The following CRYBG3 variants were observed in gnomAD, a reference collection of about 807,000 sequenced individuals.
CRYBG3 encodes very large A-kinase anchor protein.
A neutral mutation model predicts 244.2 loss-of-function variants in CRYBG3; 127 were observed. The ratio of observed to expected loss-of-function variants is 0.52; its 90% CI spans 0.45 to 0.60. The LOEUF (loss-of-function observed/expected upper bound fraction) is 0.60, where lower values mean the gene tolerates loss of function less well. Ranked by LOEUF, CRYBG3 falls within the 20% of genes least tolerant of loss-of-function variation. The probability of loss-of-function intolerance (pLI) is 0.00; values close to 1 mark genes in which losing one functional copy is unlikely to be tolerated. For missense variants in CRYBG3, 3,325 were observed against 3,442.5 expected, an observed-to-expected ratio of 0.97 and a Z score of 0.85; for synonymous variants, 1,132 against 1,195.8, an observed-to-expected ratio of 0.95 and a Z score of 1.10.
rs763921356 is a variant in CRYBG3, at chr3:97,877,130, A to G, written c.5936A>G (p.Tyr1979Cys). The G allele has an allele frequency of 9.9e-6, 16 of 1,613,852 alleles. No homozygotes were observed. Among genetic ancestry groups the G allele is most frequent in the Non-Finnish European group, 3.4e-6 (4 of 1,179,860 alleles). ...TATGACAAGAGGAGAGAGACAGATT[A>G]TAGTGACAAAGGATATAATTTAGCT... is the stretch of plus-strand genomic sequence containing the variant. ...AIYDKRRETD[Y>C]SDKGYNLAFV... Residue 1979 changes from tyrosine to cysteine, a missense_variant, in exon 4 of 22, where the codon TAT (tyrosine) becomes TGT (cysteine). Tyr to Cys is a radical substitution (Grantham distance 194). Around this residue, in one of 4 missense-constraint regions of CRYBG3, gnomAD observed 450 missense variants for 424.1 expected, o/e 1.06. Transcript: ENST00000389622.
Position 97,830,464 on chromosome 3 carries a change from C to G in CRYBG3, c.149+8109C>G, listed in dbSNP as rs140954633. Among the ~76,000 whole-genome samples the G allele has an allele frequency of 4.8e-4, 73 of 152,088 alleles. No homozygotes were observed. In the East Asian group the frequency reaches 0.013, roughly 26 times the overall value. Reference sequence around the variant, plus strand: ...CACCTATTTTTGGACTTCACGTATTCCTCTTTCTTGGTTAACTCCTCCTTT... The same window carrying G: ...CACCTATTTTTGGACTTCACGTATTGCTCTTTCTTGGTTAACTCCTCCTTT... On this transcript the variant is annotated intron_variant, in intron 1 of 21. Coordinates refer to ENST00000389622, the MANE Select transcript of CRYBG3 (RefSeq NM_153605.4).
In CRYBG3 at chr3:97,877,862, C is replaced by G; in HGVS notation, c.6668C>G (p.Ser2223Cys). Reference protein sequence around the residue: ...WPEKTSFLQKSDLTSKLHSSL... With the variant: ...WPEKTSFLQKCDLTSKLHSSL... ...GAAAAGACCTCGTTTCTCCAGAAATCTGACCTTACTTCTAAACTACATTCT... is the reference window on the plus strand; with the variant it reads ...GAAAAGACCTCGTTTCTCCAGAAATGTGACCTTACTTCTAAACTACATTCT... The change falls in exon 4 of 22, where the codon TCT becomes TGT. Residue 2223 changes from serine to cysteine, a missense_variant. Physicochemically the swap from Ser to Cys is moderately radical, Grantham distance 112 (BLOSUM62 -1). Around this residue, in one of 4 missense-constraint regions of CRYBG3, gnomAD observed 450 missense variants for 424.1 expected, o/e 1.06. Coordinates refer to ENST00000389622, the MANE Select transcript of CRYBG3 (RefSeq NM_153605.4). The G allele has an allele frequency of 6.2e-7, 1 of 1,614,100 alleles. No homozygotes were observed. Among genetic ancestry groups the G allele is most frequent in the Non-Finnish European group, 8.5e-7 (1 of 1,179,998 alleles).
chr3:97,889,332 T>C (rs1346377848), intron 9 of CRYBG3, 23 bp from the exon 10 acceptor site: 21 of 1,571,942 alleles, frequency 1.3e-5, no homozygotes, highest in Non-Finnish European at 1.7e-5. Flanking sequence ...CTGTCTAATA[T>C]TAAACTATCT....
intron 1 of CRYBG3, chr3:97,836,869 T>A (rs2038741570): frequency 1.3e-5 from 2 of 152,208 alleles, no homozygotes. Flanking sequence ...TTGGCCATAG[T>A]CTTTCTCATC....
In CRYBG3 at chr3:97,864,514, G is replaced by A. The variant is rs777083206; in HGVS notation, c.514G>A (p.Glu172Lys). 2.0e-5 allele frequency: 30 copies of A among 1,535,780 alleles called. No individual in the cohort carries two copies. The South Asian group carries it at 3.6e-4, about 18-fold the overall frequency. ...HHEDGIKRER[E>K]IFSGSLRTQT... is the part of the protein sequence containing the mutation. ...TGAAGACGGGATCAAAAGGGAGAGA[G>A]AGATTTTCAGTGGCTCCCTAAGAAC... Residue 172 changes from glutamate (E) to lysine (K), a missense_variant, in exon 3 of 22, where the codon GAG (glutamate) becomes AAG (lysine). Transcript: ENST00000389622.
At chr3:97,841,703 A>G (rs568050465) in intron 1 of CRYBG3, among the ~76,000 whole-genome samples, 12 of 151,792 alleles carry the variant, frequency 7.9e-5, no homozygotes, top group Non-Finnish European at 1.6e-4. Context: ...CATCTGGCCC[A>G]CTCTCAGTCA....
chr3:97,835,766 C>T (rs533703649), intron 1 of CRYBG3, among the ~76,000 whole-genome samples: 2 of 152,174 alleles, frequency 1.3e-5, no homozygotes, highest in African/African-American at 4.8e-5. Context: ...TGTGAGGGCA[C>T]AGTCTTGGGT....
intron 8 of CRYBG3, among the ~76,000 whole-genome samples, chr3:97,887,139 T>G (rs2039517748): frequency 6.6e-6 from 1 of 152,168 alleles, no homozygotes; most frequent in Admixed American, 6.5e-5. Context: ...GCTTTTTTGT[T>G]TATGACTCCT....
intron 17 of CRYBG3, chr3:97,924,288 AATAACAAGC>A (rs938045567): frequency 2.8e-6 from 1 of 363,352 alleles, no homozygotes; most frequent in Non-Finnish European, 5.2e-6. Flanking sequence ...CAGATGGATT[AATAACAAGC>A]TAAATGTGAA....
intron 1 of CRYBG3, among the ~76,000 whole-genome samples, chr3:97,834,160 T>C (rs1193444404): frequency 6.6e-6 from 1 of 152,126 alleles, no homozygotes; most frequent in Admixed American, 6.5e-5. Context: ...ATCCAAACCA[T>C]AGCACTTGCA....
At chr3:97,922,824 A>T (rs1420305391) in intron 17 of CRYBG3, among the ~76,000 whole-genome samples, 1 of 152,154 alleles carries the variant, frequency 6.6e-6, no homozygotes, top group Non-Finnish European at 1.5e-5. Flanking sequence ...TTGACCCAGC[A>T]ATCTCATTAC....
Position 97,874,214 on chromosome 3 carries a change from C to A in CRYBG3, c.3020C>A (p.Ser1007Ter). ...GAAACTGGCAGCATGAAAGTAAATT[C>A]ACCTTTTCTGGATTCTGATTCCAGT... ...FQETGSMKVN[S>*]PFLDSDSSLE... Residue 1007 changes from serine to a stop codon, truncating the protein, a stop_gained, in exon 4 of 22, where the codon TCA (serine) becomes TAA (stop). Coordinates refer to ENST00000389622, the MANE Select transcript of CRYBG3 (RefSeq NM_153605.4). LOFTEE classifies it high-confidence loss of function. 6.5e-7 allele frequency: 1 copy of A among 1,534,148 alleles called. No individual in the cohort carries two copies. The highest frequency in any genetic ancestry group is 8.7e-7 in the Non-Finnish European group (1 of 1,146,418).
At chr3:97,825,614 G>C (rs1171402469) in intron 1 of CRYBG3, among the ~76,000 whole-genome samples, 1 of 152,192 alleles carries the variant, frequency 6.6e-6, no homozygotes, top group Non-Finnish European at 1.5e-5. Flanking sequence ...TCCTTTGCAA[G>C]ATGTTTGGTA....
At chr3:97,907,115 A>G (rs1032237775) in intron 15 of CRYBG3, among the ~76,000 whole-genome samples, 2 of 152,176 alleles carry the variant, frequency 1.3e-5, no homozygotes, top group Admixed American at 1.3e-4. Context: ...CATGGTGGAT[A>G]ATCTTTTTGA....
chr3:97,856,132 C>G (rs895366200), intron 2 of CRYBG3, among the ~76,000 whole-genome samples: 1 of 152,020 alleles, frequency 6.6e-6, no homozygotes, highest in Non-Finnish European at 1.5e-5. Context: ...CCCCCAGGCA[C>G]GTATTCTCTT....
intron 7 of CRYBG3, among the ~76,000 whole-genome samples, chr3:97,882,090 T>A (rs2039455468): frequency 6.6e-6 from 1 of 151,890 alleles, no homozygotes. Flanking sequence ...GCAGCTGTAA[T>A]CCCAGCTTCA....
chr3:97,934,339 A>G (rs2040135412), intron 18 of CRYBG3, among the ~76,000 whole-genome samples: 1 of 152,096 alleles, frequency 6.6e-6, no homozygotes, highest in African/African-American at 2.4e-5. Context: ...TTAGATATCA[A>G]TGTGAATACT....
At chr3:97,837,415 C>T (rs936074079) in intron 1 of CRYBG3, among the ~76,000 whole-genome samples, 3 of 152,038 alleles carry the variant, frequency 2.0e-5, no homozygotes, top group Non-Finnish European at 4.4e-5. Context: ...GCAAGTTTTA[C>T]AGTAGTTGGG....
chr3:97,925,830 T>C (rs1336638716), intron 17 of CRYBG3, among the ~76,000 whole-genome samples: 1 of 151,502 alleles, frequency 6.6e-6, no homozygotes, highest in Admixed American at 6.6e-5. Context: ...TGTTATTCTT[T>C]TTAAAATGTA....
Sources: allele counts gnomAD v4.1 joint callset (sites outside exome capture counted in the v4.1 genomes callset), GRCh38; gene constraint gnomAD v4.1.1; regional missense constraint gnomAD v4.1.1; transcripts MANE v1.5; gene names NCBI Gene and HGNC (gene_info 2026-07-23, HGNC 2026-07-21).